The following IQCE variants were observed in gnomAD, a reference collection of about 807,000 sequenced individuals.
IQCE encodes the protein IQ domain-containing protein E.
Under a neutral mutation model 96.0 loss-of-function variants are expected in IQCE, and 115 were observed. The ratio of observed to expected loss-of-function variants is 1.20; its 90% CI spans 1.03 to 1.40. The LOEUF (loss-of-function observed/expected upper bound fraction) is 1.40. Ranked by LOEUF, IQCE falls within the 40% of genes most tolerant of loss-of-function variation. The pLI is 0.00. For synonymous variants in IQCE, 412 were observed against 371.2 expected, an observed-to-expected ratio of 1.11 and a Z score of -1.26; for missense variants, 1,041 against 909.1, an observed-to-expected ratio of 1.15 and a Z score of -1.87.
chr7:2,605,074 A>AC, intron 19 of IQCE, 83 bp downstream of exon 19: 1 of 989,802 alleles, frequency 1.0e-6, no homozygotes, highest in South Asian at 1.4e-5. Flanking sequence ...AGCGTAGGGC[A>AC]CCCCTCAGCC....
At chr7:2,570,694 G>A (rs776643364) in intron 3 of IQCE, among the ~76,000 whole-genome samples, 1 of 151,996 alleles carries the variant, frequency 6.6e-6, no homozygotes, top group South Asian at 2.1e-4. Flanking sequence ...TTTTGCATAC[G>A]TTTATTATCT....
intron 6 of IQCE, among the ~76,000 whole-genome samples, chr7:2,573,815 A>G (rs889055737): frequency 6.6e-6 from 1 of 152,224 alleles, no homozygotes; most frequent in Non-Finnish European, 1.5e-5. Flanking sequence ...GGTCACTGGT[A>G]GAGTCATCAG....
At chr7:2,589,089 C>T (rs1783371625) in intron 13 of IQCE, among the ~76,000 whole-genome samples, 1 of 152,078 alleles carries the variant, frequency 6.6e-6, no homozygotes, top group Admixed American at 6.6e-5. Context: ...GAAAACTAGC[C>T]AGGTACAATG....
chr7:2,593,650 A>G (rs1436816023), intron 15 of IQCE, among the ~76,000 whole-genome samples: 1 of 152,248 alleles, frequency 6.6e-6, no homozygotes, highest in Non-Finnish European at 1.5e-5. Flanking sequence ...GCCGCGTAGC[A>G]CACGATTCCT....
Position 2,602,858 on chromosome 7 carries a change from G to A in IQCE, c.1632+1394G>A, listed in dbSNP as rs561196663. On this transcript the variant is annotated intron_variant, in intron 18 of 21. Transcript: ENST00000402050. ...CGGCACACCAGGCTCAGTGGCCTGC[G>A]CGCAGCTGCAGTGGGAGCATGTTGC... 9.2e-5 allele frequency among the ~76,000 whole-genome samples: 14 copies of A among 152,336 alleles called. 1 individual carries two copies. In the South Asian group the frequency reaches 2.3e-3, roughly 25 times the overall value.
At chr7:2,600,658 C>T (rs766064574) in intron 17 of IQCE, among the ~76,000 whole-genome samples, 2 of 152,310 alleles carry the variant, frequency 1.3e-5, no homozygotes, top group Non-Finnish European at 1.5e-5. Context: ...TTCTTTGCTT[C>T]CATCGTATAT....
At chr7:2,573,997 G>A (rs1049117356) in intron 6 of IQCE, among the ~76,000 whole-genome samples, 1 of 152,170 alleles carries the variant, frequency 6.6e-6, no homozygotes, top group Admixed American at 6.5e-5. Flanking sequence ...ACCAGTAGCA[G>A]AACCAAGATT....
chr7:2,570,493 G>A (rs1781683197), intron 3 of IQCE, among the ~76,000 whole-genome samples: 1 of 151,896 alleles, frequency 6.6e-6, no homozygotes, highest in Non-Finnish European at 1.5e-5. Context: ...GGTAAGTGAA[G>A]ATGCAGCAGG....
At chr7:2,563,881 G>C (rs1311325654) in intron 1 of IQCE, among the ~76,000 whole-genome samples, 2 of 119,790 alleles carry the variant, frequency 1.7e-5, no homozygotes, top group Non-Finnish European at 3.2e-5. Flanking sequence ...GTGAGAGAGC[G>C]AGACTCCATC....
rs1783904931 is a variant in IQCE at position 2,594,928 on chromosome 7, A to G, written c.1392A>G (p.Gln464=). 6.2e-7 allele frequency: 1 copy of G among 1,614,072 alleles called. No individual in the cohort carries two copies. Among genetic ancestry groups the G allele is most frequent in the East Asian group, 2.2e-5 (1 of 44,886 alleles). The change falls in exon 16 of 22, where the codon CAA becomes CAG. Residue 464 remains glutamine, a synonymous_variant. Coordinates refer to ENST00000402050, the MANE Select transcript of IQCE (RefSeq NM_152558.5). ...TTACCAGCAAGCTCCAAGAATTGCA[A>G]GAAATGAAGAAAGAAGAGAAAGAGG... ...QTLTSKLQEL[Q]EMKKEEKEDC...
intron 2 of IQCE, among the ~76,000 whole-genome samples, chr7:2,567,608 G>A (rs1781473736): frequency 1.3e-5 from 2 of 152,272 alleles, no homozygotes; most frequent in Non-Finnish European, 2.9e-5. Context: ...CGATGGCCCA[G>A]TGGCACACTA....
Position 2,579,122 on chromosome 7 carries a change from C to T in IQCE, c.630+596C>T, listed in dbSNP as rs78001101. On this transcript the variant is annotated intron_variant, in intron 8 of 21. Coordinates refer to ENST00000402050, the MANE Select transcript of IQCE (RefSeq NM_152558.5). ...ACGTCCTTCAGATAGATCCAGACCC[C>T]CCTCAGATACTATGTGACAATATGT... Among the ~76,000 whole-genome samples the T allele has an allele frequency of 3.2e-3, 481 of 151,734 alleles. 6 individuals carry two copies. The highest frequency in any genetic ancestry group is 0.011 in the African/African-American group (440 of 41,330).
chr7:2,584,305 G>A lies in IQCE; in HGVS notation c.824+20G>A. ...AAAGAAGTATGATGGCCGCTTGCAA[G>A]CTGTGTTTTGTGTGTTGCCTTCACG... On this transcript the variant is annotated intron_variant, in intron 11 of 21. Transcript: ENST00000402050. The A allele has an allele frequency of 1.9e-6, 3 of 1,613,046 alleles. No homozygotes were observed. Among genetic ancestry groups the A allele is most frequent in the Non-Finnish European group, 1.7e-6 (2 of 1,178,970 alleles).
chr7:2,565,437 A>G (rs1415465048), intron 1 of IQCE, among the ~76,000 whole-genome samples: 1 of 152,178 alleles, frequency 6.6e-6, no homozygotes, highest in Non-Finnish European at 1.5e-5. Flanking sequence ...GGTGAGATCA[A>G]TGCATTTTGT....
rs748844518 is a variant in IQCE, at chr7:2,582,579, G to C, written c.631-1G>C. 4.3e-6 allele frequency: 7 copies of C among 1,613,952 alleles called. No individual in the cohort carries two copies. The East Asian group carries it at 6.7e-5, about 15-fold the overall frequency. The stretch of plus-strand genomic sequence containing the variant: ...GCCTGATGGGCACGTTCCCCGGGCA[G>C]GTCATTAACGGGCTGAAGCAGAGGA... On this transcript the variant is annotated splice_acceptor_variant, in intron 8 of 21. Coordinates refer to ENST00000402050, the MANE Select transcript of IQCE (RefSeq NM_152558.5). LOFTEE classifies it high-confidence loss of function.
At chr7:2,572,553 C>A (rs1781834569) in intron 5 of IQCE, among the ~76,000 whole-genome samples, 1 of 152,190 alleles carries the variant, frequency 6.6e-6, no homozygotes, top group Non-Finnish European at 1.5e-5. Flanking sequence ...GATATCTCGC[C>A]AGGTGTCATC....
chr7:2,604,818 C>A, intron 18 of IQCE, 63 bp from the exon 19 acceptor site: 1 of 1,211,160 alleles, frequency 8.3e-7, no homozygotes, highest in Non-Finnish European at 1.2e-6. Flanking sequence ...GCGCCTCCCT[C>A]TCGCCCGCCG....
intron 13 of IQCE, among the ~76,000 whole-genome samples, chr7:2,588,281 C>T (rs942007315): frequency 2.2e-4 from 33 of 152,334 alleles, no homozygotes; most frequent in Middle Eastern, 3.4e-3. Flanking sequence ...TCCCCACATC[C>T]CCTATGCGAC....
Position 2,583,670 on chromosome 7 carries a change from G to T in IQCE, c.735G>T (p.Leu245=), listed in dbSNP as rs943114835. 2.7e-5 allele frequency: 43 copies of T among 1,588,180 alleles called. No homozygotes were observed. The highest frequency in any genetic ancestry group is 3.7e-5 in the Non-Finnish European group (43 of 1,164,630). Residue 245 remains leucine (L), a synonymous_variant, in exon 10 of 22, where the codon CTG becomes CTT. Transcript: ENST00000402050. ...AGACCGATATGAAGACTACCAACCT[G>T]GAAGAGATGCGGATCGCCATGGAGA... The part of the protein sequence containing the change: ...KLQTDMKTTN[L]EEMRIAMETY...
Sources: gnomAD v4.1 joint callset for allele counts (sites outside exome capture counted in the v4.1 genomes callset) on GRCh38, gnomAD v4.1.1 for gene constraint, MANE v1.5 for transcripts, NCBI Gene and HGNC (gene_info 2026-07-23, HGNC 2026-07-21) for gene names.